EXPH5: variants seen among roughly 807,000 people sequenced by gnomAD.
The protein encoded by EXPH5 is exophilin-5.
Under a neutral mutation model 41.1 loss-of-function variants are expected in EXPH5, and 42 were observed. That is an observed-to-expected ratio of 1.02 (90% CI 0.80 to 1.32). The LOEUF (loss-of-function observed/expected upper bound fraction) is 1.32, where lower values mean the gene tolerates loss of function less well. EXPH5 is among the 40% of genes most tolerant of loss of function. The pLI is 0.00. For missense variants in EXPH5, 2,298 were observed against 2,314.5 expected (o/e 0.99, Z 0.15); for synonymous variants, 798 against 833.5 (o/e 0.96, Z 0.73).
intron 1 of EXPH5, among the ~76,000 whole-genome samples, chr11:108,548,682 C>T (rs1046558126): frequency 6.6e-6 from 1 of 152,186 alleles, no homozygotes; most frequent in African/African-American, 2.4e-5. Context: ...AATTCAAACT[C>T]TCTGGGTACG....
chr11:108,585,716 G>C (rs1256878745), intron 1 of EXPH5, among the ~76,000 whole-genome samples: 1 of 152,156 alleles, frequency 6.6e-6, no homozygotes, highest in Non-Finnish European at 1.5e-5. Flanking sequence ...GCAGTTTCTT[G>C]CAAATTCAAG....
rs186205646 is a variant in EXPH5 at position 108,571,831 on chromosome 11, C to T, written c.119+21587G>A. ...ATCCCAGCACTTTGGGAGGCCAAGG[C>T]GGGCGGATCATGAGGTCAGGAGATC... On this transcript the variant is annotated intron_variant, in intron 1 of 5. Transcript: ENST00000265843. Among the ~76,000 whole-genome samples the T allele has an allele frequency of 3.5e-3, 533 of 152,144 alleles. 4 individuals carry two copies. Among genetic ancestry groups the T allele is most frequent in the African/African-American group, 0.012 (510 of 41,508 alleles).
At chr11:108,595,878 A>C (rs1487481025), upstream of EXPH5, among the ~76,000 whole-genome samples, 3 of 152,128 alleles carry the variant, frequency 2.0e-5, no homozygotes, top group Non-Finnish European at 4.4e-5. Context: ...GAGCTAATAC[A>C]GGTTTTGAGG....
rs370445626 is a variant in EXPH5, at chr11:108,551,508, T to G, written c.120-9696A>C. ...TGATGTTCTCACTTCTCTGTTTATCTCCTCTCTGACATCTCTGACATTTCT... is the reference window on the plus strand; with the variant it reads ...TGATGTTCTCACTTCTCTGTTTATCGCCTCTCTGACATCTCTGACATTTCT... On this transcript the variant is annotated intron_variant, in intron 1 of 5. Transcript: ENST00000265843. Among the ~76,000 whole-genome samples the G allele has an allele frequency of 5.1e-4, 78 of 152,334 alleles. No homozygotes were observed. In the South Asian group the frequency reaches 0.01, roughly 20 times the overall value.
At position 108,512,635 on chromosome 11, in the gene EXPH5, C is replaced by G. The variant is rs1417097400; in HGVS notation, c.2872G>C (p.Asp958His). The G allele has an allele frequency of 3.1e-6, 5 of 1,614,038 alleles. No homozygotes were observed. Among genetic ancestry groups the G allele is most frequent in the Non-Finnish European group, 3.4e-6 (4 of 1,179,988 alleles). The change falls in exon 6 of 6, where the codon GAT (aspartate) becomes CAT (histidine). Residue 958 changes from aspartate (D) to histidine (H), a missense_variant. Asp to His is a moderately conservative substitution (Grantham distance 81). Coordinates refer to ENST00000265843, the MANE Select transcript of EXPH5 (RefSeq NM_015065.3). ...GGAGAGTGTGAATGGCATTTGACATCAACCACTTCATCATGTGTAGGCACA... is the reference window on the plus strand; with the variant it reads ...GGAGAGTGTGAATGGCATTTGACATGAACCACTTCATCATGTGTAGGCACA... ...SPVPTHDEVV[D>H]VKCHSHSPFR...
chr11:108,591,637 T>G (rs2094127761), intron 1 of EXPH5, among the ~76,000 whole-genome samples: 1 of 152,256 alleles, frequency 6.6e-6, no homozygotes, highest in African/African-American at 2.4e-5. Flanking sequence ...TGTTGATGCT[T>G]CCATTAGAAT....
intron 3 of EXPH5, 26 bp downstream of exon 3, chr11:108,538,998 C>G: frequency 6.5e-7 from 1 of 1,540,906 alleles, no homozygotes; most frequent in Non-Finnish European, 8.8e-7. Flanking sequence ...ACAAATGGGC[C>G]GTAACATGAC....
chr11:108,514,400 T>A lies in EXPH5; in HGVS notation c.1107A>T (p.Ser369=). The change falls in exon 6 of 6, where the codon TCA becomes TCT. Residue 369 remains serine (S), a synonymous_variant. Coordinates refer to ENST00000265843, the MANE Select transcript of EXPH5 (RefSeq NM_015065.3). Reference sequence around the variant, plus strand: ...AATCTGATCTGTTCCATATGATGGATGATAAAGGAGTTCTCTTTGGACTCT... The same window carrying A: ...AATCTGATCTGTTCCATATGATGGAAGATAAAGGAGTTCTCTTTGGACTCT... The part of the protein sequence containing the change: ...HQQSPKRTPL[S]SIIWNRSDSS... 1 of 1,614,178 alleles carries A rather than the reference T, an allele frequency of 6.2e-7. No homozygotes were observed.
intron 3 of EXPH5, among the ~76,000 whole-genome samples, chr11:108,530,543 CG>C (rs1555192166): frequency 1.3e-5 from 2 of 152,118 alleles, no homozygotes; most frequent in African/African-American, 2.4e-5. Context: ...CAAGGGAGGC[CG>C]GGGACTGGCA....
In EXPH5 at chr11:108,513,973, T is replaced by C. The variant is rs17108127; in HGVS notation, c.1534A>G (p.Met512Val). The C allele has an allele frequency of 3.5e-5, 57 of 1,609,976 alleles. No homozygotes were observed. Among genetic ancestry groups the C allele is most frequent in the Admixed American group, 6.7e-5 (4 of 59,402 alleles). The change falls in exon 6 of 6, where the codon ATG (methionine) becomes GTG (valine). Residue 512 changes from methionine to valine, a missense_variant. Coordinates refer to ENST00000265843, the MANE Select transcript of EXPH5 (RefSeq NM_015065.3). ...SSDRDFEMIS[M>V]EANSVSAIHG... ...ATGGCTGATACACTATTTGCTTCCA[T>C]GGAAATCATTTCAAAGTCTCTGTCA...
intron 1 of EXPH5, among the ~76,000 whole-genome samples, chr11:108,547,079 G>A (rs1189673394): frequency 6.6e-6 from 1 of 152,184 alleles, no homozygotes; most frequent in African/African-American, 2.4e-5. Context: ...GGGATTATAG[G>A]TGTGAGCCAC....
intron 4 of EXPH5, among the ~76,000 whole-genome samples, chr11:108,524,741 C>T (rs1276819754): frequency 2.0e-5 from 3 of 152,196 alleles, no homozygotes; most frequent in Non-Finnish European, 4.4e-5. Flanking sequence ...GTAAAATCAA[C>T]AAATTAAATT....
intron 1 of EXPH5, among the ~76,000 whole-genome samples, chr11:108,575,979 T>A (rs1336148108): frequency 1.3e-5 from 2 of 151,928 alleles, no homozygotes; most frequent in Non-Finnish European, 2.9e-5. Flanking sequence ...ATTAATTAAT[T>A]AAATAAAATA....
At chr11:108,601,986 C>G in the EXPH5 span, among the ~76,000 whole-genome samples, 1 of 152,106 alleles carries the variant, frequency 6.6e-6, no homozygotes, top group African/African-American at 2.4e-5. Context: ...TGGAATGAAG[C>G]AATCCGCCCA....
At chr11:108,531,278 A>C (rs1041416010) in intron 3 of EXPH5, among the ~76,000 whole-genome samples, 42 of 152,294 alleles carry the variant, frequency 2.8e-4, no homozygotes, top group African/African-American at 1.0e-3. Context: ...TAAAAATCTT[A>C]CAATAAGGTG....
intron 1 of EXPH5, among the ~76,000 whole-genome samples, chr11:108,574,126 G>T (rs2136104852): frequency 1.3e-5 from 2 of 151,532 alleles, no homozygotes; most frequent in Admixed American, 1.3e-4. Flanking sequence ...AGCCAGGATG[G>T]TCTCGATCTC....
chr11:108,586,046 C>T (rs970117108), intron 1 of EXPH5, among the ~76,000 whole-genome samples: 2 of 152,198 alleles, frequency 1.3e-5, no homozygotes, highest in Non-Finnish European at 2.9e-5. Context: ...TGAAGTGATT[C>T]TCCTGCTTCA....
intron 1 of EXPH5, among the ~76,000 whole-genome samples, chr11:108,542,395 A>C (rs775919340): frequency 2.0e-5 from 3 of 151,444 alleles, no homozygotes; most frequent in Non-Finnish European, 4.4e-5. Context: ...AGTTTTTGCC[A>C]GTAGTTAAAA....
upstream of EXPH5, chr11:108,593,848 C>A: frequency 3.8e-6 from 4 of 1,045,782 alleles, no homozygotes; most frequent in South Asian, 4.2e-5. Flanking sequence ...TCCCCTCCCT[C>A]GTCTCGTCCC....
Sources: allele counts gnomAD v4.1 joint callset (sites outside exome capture counted in the v4.1 genomes callset), GRCh38; gene constraint gnomAD v4.1.1; transcripts MANE v1.5; gene names NCBI Gene and HGNC (gene_info 2026-07-23, HGNC 2026-07-21).